Variants in C10orf143 observed in about 807,000 individuals in gnomAD.
The protein encoded by C10orf143 is chromosome 10 open reading frame 143, also known as uncharacterized protein C10orf143.
At chr10:130,057,606 G>T (rs1321735864) in intron 3 of C10orf143, among the ~76,000 whole-genome samples, 1 of 151,044 alleles carries the variant, frequency 6.6e-6, no homozygotes, top group East Asian at 2.0e-4. Flanking sequence ...TGAGGTCTGA[G>T]ACAGCCTCTC....
chr10:130,077,824 A>G (rs1861143046), intron 3 of C10orf143, among the ~76,000 whole-genome samples: 2 of 152,256 alleles, frequency 1.3e-5, no homozygotes, highest in Non-Finnish European at 2.9e-5. Flanking sequence ...ATATGCAGCT[A>G]TAGTCTGTTC....
intron 3 of C10orf143, among the ~76,000 whole-genome samples, chr10:130,079,066 A>G (rs1248520002): frequency 6.8e-6 from 1 of 146,890 alleles, no homozygotes. Flanking sequence ...CCAGTAGAAG[A>G]GACTGAGAAT....
intron 3 of C10orf143, among the ~76,000 whole-genome samples, chr10:130,055,674 G>A (rs1221549978): frequency 1.3e-5 from 2 of 152,100 alleles, no homozygotes; most frequent in South Asian, 2.1e-4. Context: ...GGCCGGGCAC[G>A]GTGGCTCACG....
chr10:130,057,285 C>T (rs1369390431), intron 3 of C10orf143, among the ~76,000 whole-genome samples: 1 of 152,126 alleles, frequency 6.6e-6, no homozygotes, highest in Non-Finnish European at 1.5e-5. Flanking sequence ...CATTGTTTCA[C>T]ACTGTTGTAC....
chr10:130,060,458 G>T (rs1033909532), downstream of C10orf143, among the ~76,000 whole-genome samples: 1 of 151,384 alleles, frequency 6.6e-6, no homozygotes, highest in Non-Finnish European at 1.5e-5. Flanking sequence ...ACTTAAAATG[G>T]TAATGATCAC....
chr10:130,043,672 C>A (rs1407025700), intron 3 of C10orf143, among the ~76,000 whole-genome samples: 1 of 152,240 alleles, frequency 6.6e-6, no homozygotes, highest in Non-Finnish European at 1.5e-5. Context: ...GTCAGACATG[C>A]CTTTTCCTGT....
intron 1 of C10orf143, among the ~76,000 whole-genome samples, chr10:130,085,937 A>G (rs998547281): frequency 6.6e-6 from 1 of 152,218 alleles, no homozygotes; most frequent in Non-Finnish European, 1.5e-5. Flanking sequence ...ACATTCAGAT[A>G]TTTGATGATC....
At chr10:130,061,085 C>T (rs923732134), downstream of C10orf143, among the ~76,000 whole-genome samples, 20 of 152,124 alleles carry the variant, frequency 1.3e-4, no homozygotes, top group Middle Eastern at 3.2e-3. Flanking sequence ...TGCAGTGAGC[C>T]GTGCTTGCAC....
At chr10:130,080,519 G>A (rs781631596) in intron 1 of C10orf143, among the ~76,000 whole-genome samples, 5 of 152,182 alleles carry the variant, frequency 3.3e-5, no homozygotes, top group Non-Finnish European at 7.3e-5. Context: ...TATTTTTAGG[G>A]TAACAATGTT....
At chr10:130,078,618 C>T (rs1861157763) in intron 3 of C10orf143, among the ~76,000 whole-genome samples, 1 of 152,136 alleles carries the variant, frequency 6.6e-6, no homozygotes, top group Non-Finnish European at 1.5e-5. Flanking sequence ...CTTTGTTTTC[C>T]TATTTGTCTA....
chr10:130,059,371 A>G (rs1590011088), downstream of C10orf143, among the ~76,000 whole-genome samples: 1 of 152,354 alleles, frequency 6.6e-6, no homozygotes, highest in Admixed American at 6.5e-5. Flanking sequence ...AATATTTCCA[A>G]CATGAGAGAA....
At chr10:130,050,987 C>T (rs1205994892) in intron 3 of C10orf143, among the ~76,000 whole-genome samples, 2 of 152,142 alleles carry the variant, frequency 1.3e-5, no homozygotes, top group Admixed American at 1.3e-4. Flanking sequence ...CCGGCCCGTG[C>T]GTGGACAGGT....
intron 3 of C10orf143, among the ~76,000 whole-genome samples, chr10:130,038,009 C>T (rs1285539711): frequency 7.9e-5 from 12 of 152,276 alleles, no homozygotes; most frequent in Middle Eastern, 3.4e-3. Context: ...GTACAGAGAC[C>T]GTCTGGAGAG....
intron 3 of C10orf143, among the ~76,000 whole-genome samples, chr10:130,048,974 G>C (rs1489522605): frequency 6.6e-6 from 1 of 152,116 alleles, no homozygotes; most frequent in Non-Finnish European, 1.5e-5. Flanking sequence ...CCAGTCACTG[G>C]GGTTACAGAT....
chr10:130,054,235 A>G (rs1860771657), intron 3 of C10orf143, among the ~76,000 whole-genome samples: 1 of 152,176 alleles, frequency 6.6e-6, no homozygotes, highest in South Asian at 2.1e-4. Flanking sequence ...CTGTGAGCTC[A>G]AAGTTTCCAG....
chr10:130,071,924 G>A (rs1370103437), intron 3 of C10orf143, among the ~76,000 whole-genome samples: 2 of 152,050 alleles, frequency 1.3e-5, no homozygotes, highest in African/African-American at 2.4e-5. Context: ...GCGCCTGGCC[G>A]TCATATTCTA....
intron 3 of C10orf143, among the ~76,000 whole-genome samples, chr10:130,054,236 A>G (rs1029360660): frequency 5.3e-5 from 8 of 152,086 alleles, no homozygotes; most frequent in Non-Finnish European, 1.0e-4. Flanking sequence ...TGTGAGCTCA[A>G]AGTTTCCAGG....
At chr10:130,043,953 G>A (rs1184189943) in intron 3 of C10orf143, among the ~76,000 whole-genome samples, 1 of 152,108 alleles carries the variant, frequency 6.6e-6, no homozygotes, top group Non-Finnish European at 1.5e-5. Flanking sequence ...GGCTCAGCCT[G>A]GGCACCTGGA....
intron 1 of C10orf143, among the ~76,000 whole-genome samples, chr10:130,091,365 A>G (rs904210711): frequency 5.9e-5 from 9 of 152,352 alleles, no homozygotes; most frequent in Non-Finnish European, 8.8e-5. Flanking sequence ...AACAGAAAGC[A>G]TCAACATCAA....
Sources: allele counts gnomAD v4.1 joint callset (sites outside exome capture counted in the v4.1 genomes callset), GRCh38; gene constraint gnomAD v4.1.1; transcripts MANE v1.5; gene names NCBI Gene and HGNC (gene_info 2026-07-23, HGNC 2026-07-21).